Variants in SLIT2 observed in about 807,000 individuals in gnomAD.
SLIT2 encodes the protein slit guidance ligand 2, also known as slit homolog 2 protein.
Under a neutral mutation model 185.7 loss-of-function variants are expected in SLIT2, and 41 were observed. The ratio of observed to expected loss-of-function variants is 0.22; its 90% CI spans 0.17 to 0.29. The LOEUF (loss-of-function observed/expected upper bound fraction) is 0.29, where lower values mean the gene tolerates loss of function less well. SLIT2 is among the 10% of genes least tolerant of loss of function. The pLI, the probability that SLIT2 is intolerant of heterozygous loss-of-function variation, is 1.00. For missense variants in SLIT2, 1,571 were observed against 1,909.0 expected (o/e 0.82, Z 3.30); for synonymous variants, 693 against 680.2 (o/e 1.02, Z -0.29).
intron 4 of SLIT2, among the ~76,000 whole-genome samples, chr4:20,462,858 C>T (rs1371287434): frequency 3.9e-5 from 6 of 152,160 alleles, no homozygotes; most frequent in Middle Eastern, 3.2e-3. Context: ...AAATGTCTCA[C>T]ATCGACTACA....
intron 9 of SLIT2, among the ~76,000 whole-genome samples, chr4:20,494,976 TA>T (rs1468666103): frequency 6.6e-6 from 1 of 151,974 alleles, no homozygotes; most frequent in Non-Finnish European, 1.5e-5. Context: ...AGGGCTCTAA[TA>T]AGTAAGGGAG....
intron 9 of SLIT2, among the ~76,000 whole-genome samples, chr4:20,507,940 C>T (rs1370884770): frequency 6.6e-6 from 1 of 151,848 alleles, no homozygotes; most frequent in African/African-American, 2.4e-5. Flanking sequence ...TTATTGATTA[C>T]ATTTTAAGCT....
intron 4 of SLIT2, among the ~76,000 whole-genome samples, chr4:20,463,749 G>A (rs180985080): frequency 4.1e-4 from 61 of 150,612 alleles, no homozygotes; most frequent in African/African-American, 1.4e-3. Flanking sequence ...GGTGGCGGGT[G>A]CCTGTAGTCC....
intron 3 of SLIT2, among the ~76,000 whole-genome samples, chr4:20,264,328 T>C (rs1262963417): frequency 6.6e-6 from 1 of 151,562 alleles, no homozygotes; most frequent in Non-Finnish European, 1.5e-5. Context: ...GTAGGAGAAA[T>C]AGGAGGTTAG....
chr4:20,609,347 T>C (rs1414725739), intron 33 of SLIT2, among the ~76,000 whole-genome samples: 8 of 152,222 alleles, frequency 5.3e-5, no homozygotes, highest in Non-Finnish European at 8.8e-5. Context: ...CAATATTTCC[T>C]AGATATCACT....
At chr4:20,602,695 G>A (rs1161905068) in intron 33 of SLIT2, among the ~76,000 whole-genome samples, 1 of 152,132 alleles carries the variant, frequency 6.6e-6, no homozygotes, top group Non-Finnish European at 1.5e-5. Context: ...AGAACCCCTT[G>A]CGTAAAAGGA....
chr4:20,601,158 T>A (rs1027772907), intron 33 of SLIT2, among the ~76,000 whole-genome samples: 1 of 152,160 alleles, frequency 6.6e-6, no homozygotes, highest in East Asian at 1.9e-4. Flanking sequence ...TTGAGCCATT[T>A]CAATGTCATT....
intron 4 of SLIT2, among the ~76,000 whole-genome samples, chr4:20,376,012 C>A (rs1723985102): frequency 6.9e-6 from 1 of 144,960 alleles, no homozygotes. Flanking sequence ...GGAATTTATT[C>A]AAAAACAATA....
intron 29 of SLIT2, among the ~76,000 whole-genome samples, chr4:20,581,753 T>G (rs914878643): frequency 1.3e-5 from 2 of 152,044 alleles, no homozygotes; most frequent in East Asian, 3.9e-4. Context: ...TTCTCTCTCT[T>G]TCTTTCTTTC....
chr4:20,384,641 C>A (rs1435387493), intron 4 of SLIT2, among the ~76,000 whole-genome samples: 1 of 151,928 alleles, frequency 6.6e-6, no homozygotes, highest in Non-Finnish European at 1.5e-5. Flanking sequence ...TAAAGCAAAC[C>A]AAGAAAAGAG....
chr4:20,256,262 C>T (rs1283568273), intron 1 of SLIT2, among the ~76,000 whole-genome samples: 1 of 151,310 alleles, frequency 6.6e-6, no homozygotes, highest in Non-Finnish European at 1.5e-5. Flanking sequence ...AAAATTTCTT[C>T]CTGAATAGCA....
intron 4 of SLIT2, among the ~76,000 whole-genome samples, chr4:20,415,092 G>T (rs998213934): frequency 1.3e-4 from 20 of 152,150 alleles, no homozygotes; most frequent in Non-Finnish European, 2.9e-5. Flanking sequence ...GTGGAAGAAG[G>T]AAATATTTTG....
At chr4:20,308,386 G>A (rs1033246682) in intron 4 of SLIT2, among the ~76,000 whole-genome samples, 41 of 152,312 alleles carry the variant, frequency 2.7e-4, no homozygotes, top group African/African-American at 9.1e-4. Flanking sequence ...GACAACAGAG[G>A]TTTATAGTAT....
At chr4:20,573,792 T>C (rs371957969) in intron 29 of SLIT2, among the ~76,000 whole-genome samples, 13 of 151,962 alleles carry the variant, frequency 8.6e-5, no homozygotes, top group Admixed American at 3.3e-4. Flanking sequence ...GCCCAAGAAG[T>C]TGACTTATAA....
At chr4:20,260,063 G>A (rs1712281287) in intron 3 of SLIT2, among the ~76,000 whole-genome samples, 1 of 151,698 alleles carries the variant, frequency 6.6e-6, no homozygotes, top group South Asian at 2.1e-4. Flanking sequence ...GGTTTGCTAA[G>A]GAATGCATTC....
intron 4 of SLIT2, among the ~76,000 whole-genome samples, chr4:20,414,736 A>G (rs1275801535): frequency 2.0e-5 from 3 of 152,098 alleles, no homozygotes; most frequent in Non-Finnish European, 4.4e-5. Flanking sequence ...GAAGTAAACT[A>G]TTAATATTCT....
chr4:20,387,679 G>A (rs975304977), intron 4 of SLIT2, among the ~76,000 whole-genome samples: 1 of 152,072 alleles, frequency 6.6e-6, no homozygotes, highest in African/African-American at 2.4e-5. Context: ...CCAGATGGAG[G>A]CCCACGGGCA....
chr4:20,548,348 T>TG, intron 22 of SLIT2, 140 bp from the exon 23 acceptor site: 1 of 591,536 alleles, frequency 1.7e-6, no homozygotes, highest in Non-Finnish European at 3.0e-6. Context: ...AGTGGGTCGT[T>TG]CACTGTTTTA....
intron 5 of SLIT2, among the ~76,000 whole-genome samples, chr4:20,472,249 T>TATATAG (rs2148754246): frequency 2.7e-5 from 1 of 36,556 alleles, no homozygotes; most frequent in Non-Finnish European, 4.8e-5. Flanking sequence ...TATATATCTA[T>TATATAG]ATATAGATCT....
Sources: allele counts gnomAD v4.1 joint callset (sites outside exome capture counted in the v4.1 genomes callset), GRCh38; gene constraint gnomAD v4.1.1; transcripts MANE v1.5; gene names NCBI Gene and HGNC (gene_info 2026-07-23, HGNC 2026-07-21).